Variants in ZNF30 observed in about 807,000 individuals in gnomAD.
ZNF30 encodes the protein zinc finger protein 30.
Under a neutral mutation model 13.2 loss-of-function variants are expected in ZNF30, and 15 were observed. That is an observed-to-expected ratio of 1.13 (90% CI 0.76 to 1.75). ZNF30 has a LOEUF of 1.75. Ranked by LOEUF, ZNF30 falls within the 40% of genes most tolerant of loss-of-function variation. The pLI is 0.00. For synonymous variants in ZNF30, 223 were observed against 256.6 expected, an observed-to-expected ratio of 0.87 and a Z score of 1.25; for missense variants, 726 against 757.0, an observed-to-expected ratio of 0.96 and a Z score of 0.48.
At position 34,933,654 on chromosome 19, in the gene ZNF30, A is replaced by G. The variant is rs746310868; in HGVS notation, c.187A>G (p.Ile63Val). The G allele has an allele frequency of 1.2e-5, 20 of 1,601,526 alleles. No individual in the cohort carries two copies. The South Asian group carries it at 2.2e-4, about 17-fold the overall frequency. The part of the protein sequence containing the change: ...MGHSRSKPHV[I>V]ALLEQWKEPE... ...ACATTCCCGTTCTAAACCACATGTG[A>G]TCGCCTTATTGGAACAATGGAAAGA... The change falls in exon 4 of 5, where the codon ATC becomes GTC. Residue 63 changes from isoleucine (I) to valine (V), a missense_variant. Transcript: ENST00000601142.
At chr19:34,938,824 GGCT>G (rs2012876866) in intron 4 of ZNF30, among the ~76,000 whole-genome samples, 1 of 152,156 alleles carries the variant, frequency 6.6e-6, no homozygotes, top group South Asian at 2.1e-4. Context: ...TGTTTTGTCA[GGCT>G]GCATCCTTAC....
intron 4 of ZNF30, 150 bp from the exon 5 acceptor site, chr19:34,943,073 A>C (rs536639110): frequency 3.5e-6 from 2 of 571,884 alleles, no homozygotes; most frequent in African/African-American, 4.2e-5. Context: ...TAATCTCTGC[A>C]TTCCTTTTTT....
intron 1 of ZNF30, among the ~76,000 whole-genome samples, chr19:34,928,854 C>T (rs2012277573): frequency 6.6e-6 from 1 of 152,036 alleles, no homozygotes; most frequent in Admixed American, 6.6e-5. Context: ...CTTATGGTGC[C>T]TAATTTATAA....
At chr19:34,930,022 C>G in intron 2 of ZNF30, 66 bp downstream of exon 2, 5 of 1,462,404 alleles carry the variant, frequency 3.4e-6, no homozygotes, top group Non-Finnish European at 4.7e-6. Context: ...CCTTAATTGA[C>G]CTGAAGCATT....
In ZNF30 at chr19:34,930,871, A is replaced by T. The variant is rs115767301; in HGVS notation, c.9+915A>T. 7.9e-3 allele frequency among the ~76,000 whole-genome samples: 1,209 copies of T among 152,160 alleles called. 22 individuals carry two copies. Among genetic ancestry groups the T allele is most frequent in the African/African-American group, 0.028 (1,145 of 41,474 alleles). On this transcript the variant is annotated intron_variant, in intron 2 of 4. Transcript: ENST00000601142. ...CAGTGAGACTGTGTCTCAAAAAAAA[A>T]TTTAAAAAAACAGCAGCCAAAGTAT...
chr19:34,941,350 T>C (rs1296097774), intron 4 of ZNF30, among the ~76,000 whole-genome samples: 3 of 152,312 alleles, frequency 2.0e-5, no homozygotes, highest in East Asian at 1.9e-4. Flanking sequence ...CTGCAGCCTC[T>C]GCCTCCCAGG....
chr19:34,926,205 CG>C (rs1449408628), upstream of ZNF30, among the ~76,000 whole-genome samples: 2 of 152,002 alleles, frequency 1.3e-5, no homozygotes, highest in Non-Finnish European at 2.9e-5. Context: ...AAACAAAAAG[CG>C]GAGCTGACAG....
upstream of ZNF30, chr19:34,926,748 G>C (rs964938479): frequency 7.6e-6 from 3 of 394,226 alleles, no homozygotes; most frequent in African/African-American, 6.2e-5. Flanking sequence ...TAATGCCCTG[G>C]GTTGGCCCTC....
At position 34,943,865 on chromosome 19, in the gene ZNF30, G is replaced by T; in HGVS notation, c.899G>T (p.Ser300Ile). The part of the protein sequence containing the change: ...CKECGKAFST[S>I]SPLAKHQRIH... Reference sequence around the variant, plus strand: ...GAATGTGGGAAGGCCTTTAGCACTAGCTCACCCCTTGCTAAGCATCAGAGA... The same window carrying T: ...GAATGTGGGAAGGCCTTTAGCACTATCTCACCCCTTGCTAAGCATCAGAGA... Residue 300 changes from serine to isoleucine, a missense_variant, in exon 5 of 5, where the codon AGC becomes ATC. Physicochemically the swap from Ser to Ile is moderately radical, Grantham distance 142. Transcript: ENST00000601142. 1 of 1,614,010 alleles carries T rather than the reference G, an allele frequency of 6.2e-7. No homozygotes were observed. The highest frequency in any genetic ancestry group is 8.5e-7 in the Non-Finnish European group (1 of 1,180,008).
chr19:34,933,739 G>A lies in ZNF30; in HGVS notation c.256+16G>A. ...TGGTGCACAGGTGAGTAAGAGCATG[G>A]CAGGTAGGGAGGCCATTGTTGCTGG... is the stretch of plus-strand genomic sequence containing the variant. On this transcript the variant is annotated intron_variant, in intron 4 of 4. Transcript: ENST00000601142. 6.5e-7 allele frequency: 1 copy of A among 1,539,850 alleles called. No individual in the cohort carries two copies. The highest frequency in any genetic ancestry group is 8.8e-7 in the Non-Finnish European group (1 of 1,130,448).
In ZNF30 at chr19:34,943,424, G is replaced by A. The variant is rs907217720; in HGVS notation, c.458G>A (p.Cys153Tyr). 1 of 1,613,972 alleles carries A rather than the reference G, an allele frequency of 6.2e-7. No homozygotes were observed. The change falls in exon 5 of 5, where the codon TGT (cysteine) becomes TAT (tyrosine). Residue 153 changes from cysteine to tyrosine, a missense_variant. Transcript: ENST00000601142. ...SSEKPNRCKE[C>Y]GKNFSNGHQL... ...GAAAAACCCAACAGATGTAAAGAATGTGGGAAGAACTTTAGTAATGGACAT... is the reference window on the plus strand; with the variant it reads ...GAAAAACCCAACAGATGTAAAGAATATGGGAAGAACTTTAGTAATGGACAT...
chr19:34,934,168 T>G (rs1052158678), intron 4 of ZNF30, among the ~76,000 whole-genome samples: 7 of 152,000 alleles, frequency 4.6e-5, no homozygotes, highest in African/African-American at 1.7e-4. Flanking sequence ...GGAATGAGTT[T>G]TGTGTGCTTC....
chr19:34,935,653 T>C (rs1252154874), intron 4 of ZNF30, among the ~76,000 whole-genome samples: 1 of 151,870 alleles, frequency 6.6e-6, no homozygotes, highest in African/African-American at 2.4e-5. Context: ...AATTTTGCCA[T>C]TTTGAGGGTA....
chr19:34,943,025 A>T (rs1214299764), intron 4 of ZNF30, among the ~76,000 whole-genome samples, 198 bp from the exon 5 acceptor site: 2 of 151,678 alleles, frequency 1.3e-5, no homozygotes, highest in Non-Finnish European at 2.9e-5. Context: ...AAACTGTTTC[A>T]CTAATCACCA....
upstream of ZNF30, among the ~76,000 whole-genome samples, chr19:34,926,261 A>G (rs1415768179): frequency 6.6e-6 from 1 of 152,252 alleles, no homozygotes; most frequent in African/African-American, 2.4e-5. Context: ...TTAGCATTAC[A>G]TAAACCAAAA....
chr19:34,942,779 C>A, intron 4 of ZNF30: 1 of 405,044 alleles, frequency 2.5e-6, no homozygotes, highest in Non-Finnish European at 4.6e-6. Context: ...TGAGCAGGGA[C>A]AATATTATCT....
Position 34,931,999 on chromosome 19 carries a change from T to A in ZNF30, c.160+6T>A. Reference sequence around the variant, plus strand: ...CAGGAACTTGGTGTCAATGGGTAAGTGTACTTCTCTCAAATAATTGAGAAT... The same window carrying A: ...CAGGAACTTGGTGTCAATGGGTAAGAGTACTTCTCTCAAATAATTGAGAAT... On this transcript the variant is annotated splice_donor_region_variant and intron_variant, in intron 3 of 4. Coordinates refer to ENST00000601142, the MANE Select transcript of ZNF30 (RefSeq NM_194325.3). The A allele has an allele frequency of 6.4e-7, 1 of 1,564,302 alleles. No individual in the cohort carries two copies. The highest frequency in any genetic ancestry group is 8.6e-7 in the Non-Finnish European group (1 of 1,160,644).
At position 34,926,951 on chromosome 19, in the gene ZNF30, C is replaced by G; in HGVS notation, c.-330C>G. The G allele has an allele frequency of 2.5e-6, 1 of 398,596 alleles. No homozygotes were observed. The highest frequency in any genetic ancestry group is 4.4e-6 in the Non-Finnish European group (1 of 226,032). The allele number at this position is 398,596 out of a possible 1,614,324, so 24.7% of individuals were successfully genotyped here. On this transcript the variant is annotated 5_prime_UTR_variant, in exon 1 of 5. Coordinates refer to ENST00000601142, the MANE Select transcript of ZNF30 (RefSeq NM_194325.3). ...TCGGCGGTGTGACGGCTCAGGACTG[C>G]ATTTCCCAGAGGCTGCAGCTATCCG...
rs145488198 is a variant in ZNF30 at position 34,931,270 on chromosome 19, C to T, written c.10-573C>T. 7.6e-3 allele frequency among the ~76,000 whole-genome samples: 1,163 copies of T among 152,172 alleles called. 13 individuals are homozygous for T. The highest frequency in any genetic ancestry group is 0.018 in the African/African-American group (735 of 41,532). The stretch of plus-strand genomic sequence containing the variant: ...CAGGCTGGTCTCGAACTCCTGACCT[C>T]GTGTGATCCACCCACCTCAGCCTCG... On this transcript the variant is annotated intron_variant, in intron 2 of 4. Transcript: ENST00000601142.
Sources: allele counts gnomAD v4.1 joint callset (sites outside exome capture counted in the v4.1 genomes callset), GRCh38; gene constraint gnomAD v4.1.1; transcripts MANE v1.5; gene names NCBI Gene and HGNC (gene_info 2026-07-23, HGNC 2026-07-21).